The following GUCY1A2 variants were observed in gnomAD, a reference collection of about 807,000 sequenced individuals.
GUCY1A2 encodes the protein guanylate cyclase soluble subunit alpha-2.
Under a neutral mutation model 63.5 loss-of-function variants are expected in GUCY1A2, and 27 were observed. The ratio of observed to expected loss-of-function variants is 0.43; its 90% CI spans 0.31 to 0.59. GUCY1A2 has a LOEUF of 0.59. Among genes scored for constraint, GUCY1A2 ranks in the 20% least tolerant of loss-of-function variants. The pLI is 0.11. For missense variants in GUCY1A2, 768 were observed against 913.3 expected (o/e 0.84, Z 2.05); for synonymous variants, 364 against 343.5 (o/e 1.06, Z -0.66).
At chr11:106,825,957 C>A (rs371291726) in intron 4 of GUCY1A2, among the ~76,000 whole-genome samples, 2 of 151,982 alleles carry the variant, frequency 1.3e-5, no homozygotes, top group East Asian at 3.9e-4. Context: ...TATTAGCAAA[C>A]GAGATATTGC....
intron 7 of GUCY1A2, among the ~76,000 whole-genome samples, chr11:106,707,007 A>T (rs1025314942): frequency 1.3e-5 from 2 of 152,120 alleles, no homozygotes; most frequent in Non-Finnish European, 2.9e-5. Flanking sequence ...ATAAGTAATG[A>T]TTAGATAGAA....
chr11:106,951,374 C>G (rs374076778), intron 3 of GUCY1A2, among the ~76,000 whole-genome samples: 2 of 152,346 alleles, frequency 1.3e-5, no homozygotes, highest in East Asian at 3.9e-4. Flanking sequence ...CAAAAGCATT[C>G]CTACTTCTCC....
At chr11:106,931,197 C>G (rs1001266381) in intron 4 of GUCY1A2, among the ~76,000 whole-genome samples, 4 of 151,940 alleles carry the variant, frequency 2.6e-5, no homozygotes, top group Non-Finnish European at 5.9e-5. Flanking sequence ...TAAGTATGGA[C>G]AAAATATTTG....
intron 6 of GUCY1A2, among the ~76,000 whole-genome samples, chr11:106,748,597 A>C (rs1348559188): frequency 6.6e-6 from 1 of 152,208 alleles, no homozygotes. Context: ...ATCTAGAACC[A>C]TGGTACACAT....
At chr11:106,978,596 A>G (rs1861293047) in intron 3 of GUCY1A2, 23 bp downstream of exon 3, 1 of 1,386,002 alleles carries the variant, frequency 7.2e-7, no homozygotes, top group Admixed American at 2.0e-5. Flanking sequence ...TCTCATCCAT[A>G]TAAATATATA....
At chr11:106,926,527 G>A (rs567136699) in intron 4 of GUCY1A2, among the ~76,000 whole-genome samples, 35 of 151,572 alleles carry the variant, frequency 2.3e-4, no homozygotes, top group Admixed American at 1.4e-3. Flanking sequence ...AGATTATAGA[G>A]AACAGTTCAT....
chr11:106,919,019 TTATC>T (rs1265367393), intron 4 of GUCY1A2, among the ~76,000 whole-genome samples: 12 of 152,184 alleles, frequency 7.9e-5, no homozygotes, highest in Admixed American at 6.5e-4. Flanking sequence ...CATTCATTTA[TTATC>T]TATTTATTGA....
rs554424185 is a variant in GUCY1A2, at chr11:106,948,450, A to C, written c.488-8272T>G. Among the ~76,000 whole-genome samples, 23 of 152,268 alleles carry C rather than the reference A, an allele frequency of 1.5e-4. No homozygotes were observed. In the East Asian group the frequency reaches 4.4e-3, roughly 29 times the overall value. On this transcript the variant is annotated intron_variant, in intron 3 of 7. Coordinates refer to ENST00000526355, the MANE Select transcript of GUCY1A2 (RefSeq NM_000855.3). ...AAACAAAATATGATCATATCAGTAG[A>C]TTCTGAAAAGTGTGAGATTCAAGTC... is the stretch of plus-strand genomic sequence containing the variant.
Position 106,674,830 on chromosome 11 carries a change from G to T in GUCY1A2, c.*12719C>A. Reference sequence around the variant, plus strand: ...AATGTTAAAATAATTCAGGTTAAATGAAAACCACCCCATGCAGAGGATGCT... The same window carrying T: ...AATGTTAAAATAATTCAGGTTAAATTAAAACCACCCCATGCAGAGGATGCT... On this transcript the variant is annotated 3_prime_UTR_variant, in exon 8 of 8. Coordinates refer to ENST00000526355, the MANE Select transcript of GUCY1A2 (RefSeq NM_000855.3). 1 of 216,562 alleles carries T rather than the reference G, an allele frequency of 4.6e-6. No homozygotes were observed. Among genetic ancestry groups the T allele is most frequent in the South Asian group, 1.9e-4 (1 of 5,404 alleles). 13.4% of individuals were successfully genotyped at this position (216,562 alleles called of 1,614,324 possible). A position where few individuals can be genotyped will look rare whatever the true frequency, so the allele number is the denominator to read the frequency against.
At chr11:106,869,456 C>T (rs1859642311) in intron 4 of GUCY1A2, among the ~76,000 whole-genome samples, 1 of 152,180 alleles carries the variant, frequency 6.6e-6, no homozygotes, top group Admixed American at 6.6e-5. Flanking sequence ...AGGATATGAA[C>T]AGACGCTTCT....
At chr11:106,872,000 C>T (rs1384295787) in intron 4 of GUCY1A2, among the ~76,000 whole-genome samples, 1 of 152,000 alleles carries the variant, frequency 6.6e-6, no homozygotes, top group East Asian at 1.9e-4. Context: ...TGTCATGTAT[C>T]CTTTGAAATT....
At chr11:106,867,663 T>G (rs2135461835) in intron 4 of GUCY1A2, among the ~76,000 whole-genome samples, 1 of 152,158 alleles carries the variant, frequency 6.6e-6, no homozygotes, top group South Asian at 2.1e-4. Context: ...TATAGCACTT[T>G]AAGAACAAAA....
intron 4 of GUCY1A2, among the ~76,000 whole-genome samples, chr11:106,885,107 G>C (rs1054704866): frequency 6.6e-6 from 1 of 152,112 alleles, no homozygotes; most frequent in Non-Finnish European, 1.5e-5. Flanking sequence ...TACGTCACCA[G>C]CTCAAAACAC....
chr11:106,972,446 A>T (rs1444558290), intron 3 of GUCY1A2, among the ~76,000 whole-genome samples: 1 of 152,134 alleles, frequency 6.6e-6, no homozygotes, highest in Non-Finnish European at 1.5e-5. Context: ...GACAACCTGA[A>T]GAATTTAGGA....
At chr11:106,848,387 A>T (rs1859306429) in intron 4 of GUCY1A2, among the ~76,000 whole-genome samples, 1 of 151,688 alleles carries the variant, frequency 6.6e-6, no homozygotes, top group Non-Finnish European at 1.5e-5. Context: ...AAATCATATT[A>T]ATTCATTCAC....
At chr11:106,889,201 A>G (rs1482718608) in intron 4 of GUCY1A2, among the ~76,000 whole-genome samples, 2 of 152,202 alleles carry the variant, frequency 1.3e-5, no homozygotes, top group African/African-American at 4.8e-5. Context: ...TACTTTTCAG[A>G]AGACAATCAC....
At chr11:106,959,785 A>G (rs1286891967) in intron 3 of GUCY1A2, among the ~76,000 whole-genome samples, 2 of 152,202 alleles carry the variant, frequency 1.3e-5, no homozygotes, top group East Asian at 1.9e-4. Flanking sequence ...CTTTCTTTAC[A>G]TTCTCACAGG....
chr11:106,801,036 T>G (rs1858589656), intron 5 of GUCY1A2, among the ~76,000 whole-genome samples: 1 of 152,154 alleles, frequency 6.6e-6, no homozygotes, highest in Admixed American at 6.5e-5. Flanking sequence ...TTCTTAAGGA[T>G]CTTCTACTGT....
intron 3 of GUCY1A2, among the ~76,000 whole-genome samples, chr11:106,958,942 A>C (rs1173491899): frequency 6.6e-6 from 1 of 152,200 alleles, no homozygotes; most frequent in African/African-American, 2.4e-5. Flanking sequence ...TAAAATGTTA[A>C]GCTGAAAAAG....
Sources: allele counts gnomAD v4.1 joint callset (sites outside exome capture counted in the v4.1 genomes callset), GRCh38; gene constraint gnomAD v4.1.1; transcripts MANE v1.5; gene names NCBI Gene and HGNC (gene_info 2026-07-23, HGNC 2026-07-21).